CACNA1C: variants seen among roughly 807,000 people sequenced by gnomAD.
CACNA1C encodes the protein voltage-dependent L-type calcium channel subunit alpha-1C.
Under a neutral mutation model 229.0 loss-of-function variants are expected in CACNA1C, and 30 were observed. The observed-to-expected ratio is 0.13, with a 90% CI of 0.10 to 0.18. The LOEUF is 0.18. Among genes scored for constraint, CACNA1C ranks in the 10% least tolerant of loss-of-function variants. The probability of loss-of-function intolerance (pLI) is 1.00; values close to 1 mark genes in which losing one functional copy is unlikely to be tolerated. For synonymous variants in CACNA1C, 1,114 were observed against 1,132.5 expected, an observed-to-expected ratio of 0.98 and a Z score of 0.33; for missense variants, 1,658 against 2,845.0, an observed-to-expected ratio of 0.58 and a Z score of 9.49.
intron 8 of CACNA1C, among the ~76,000 whole-genome samples, chr12:2,507,345 A>C (rs1177403465): frequency 6.6e-6 from 1 of 151,978 alleles, no homozygotes; most frequent in African/African-American, 2.4e-5. Flanking sequence ...GCCTCTCCTC[A>C]TGTGTCAAGG....
At chr12:2,353,954 A>G (rs532428189) in intron 3 of CACNA1C, among the ~76,000 whole-genome samples, 1 of 152,268 alleles carries the variant, frequency 6.6e-6, no homozygotes, top group Admixed American at 6.5e-5. Flanking sequence ...TGGCAGGATG[A>G]GACGCTAGTC....
chr12:2,679,821 G>A lies in CACNA1C; in HGVS notation c.5444+25G>A, dbSNP rs919505506. The A allele has an allele frequency of 4.7e-6, 7 of 1,491,062 alleles. No homozygotes were observed. Among genetic ancestry groups the A allele is most frequent in the Non-Finnish European group, 6.4e-6 (7 of 1,098,864 alleles). 92.4% of individuals were successfully genotyped at this position (1,491,062 alleles called of 1,614,324 possible). A position where few individuals can be genotyped will look rare whatever the true frequency, so the allele number is the denominator to read the frequency against. The stretch of plus-strand genomic sequence containing the variant: ...GGTAAGTGGGAGGCTGGCCACCCCA[G>A]GCGGCACACAGGGCCCACGTGCTGC... On this transcript the variant is annotated intron_variant, in intron 42 of 46. Coordinates refer to ENST00000399655, the MANE Select transcript of CACNA1C (RefSeq NM_000719.7). This position sits in a 1 kb window ranked among gnomAD's most constrained non-coding sequence, Gnocchi z 5.5.
chr12:2,460,525 G>A (rs574386885), intron 5 of CACNA1C, among the ~76,000 whole-genome samples: 13 of 152,238 alleles, frequency 8.5e-5, no homozygotes, highest in African/African-American at 2.6e-4. Context: ...AGATTAGATC[G>A]GGTCACTTGG....
chr12:2,524,851 A>G (rs2099815970), intron 9 of CACNA1C, among the ~76,000 whole-genome samples: 1 of 152,150 alleles, frequency 6.6e-6, no homozygotes, highest in African/African-American at 2.4e-5. Flanking sequence ...GCAGCTAACT[A>G]AGTGCTCGGG....
rs1016198948 is a variant in CACNA1C at position 2,067,134 on chromosome 12, G to A, written c.49+13523G>A. ...GAGACAGCTGCTGACTAGGTCTGGG[G>A]GCAAAGGGTTCTAGCTCTGTAGGAG... is the stretch of plus-strand genomic sequence containing the variant. On this transcript the variant is annotated intron_variant, in intron 1 of 46. Coordinates refer to ENST00000399655, the MANE Select transcript of CACNA1C (RefSeq NM_000719.7). This position sits in a 1 kb window ranked among gnomAD's most constrained non-coding sequence, Gnocchi z 5.3. Among the ~76,000 whole-genome samples the A allele has an allele frequency of 6.6e-6, 1 of 152,134 alleles. No homozygotes were observed. Among genetic ancestry groups the A allele is most frequent in the East Asian group, 1.9e-4 (1 of 5,188 alleles).
At chr12:2,428,377 T>A (rs996048777) in intron 3 of CACNA1C, among the ~76,000 whole-genome samples, 2 of 152,208 alleles carry the variant, frequency 1.3e-5, no homozygotes, top group African/African-American at 4.8e-5. Context: ...CTACACTGCC[T>A]TCTCCAGGAA....
At chr12:2,680,372 C>CTT (rs1346980162) in intron 42 of CACNA1C, 1 of 1,553,018 alleles carries the variant, frequency 6.4e-7, no homozygotes, top group African/African-American at 1.4e-5. Context: ...GGATGCACTG[C>CTT]TGTGACATGC....
intron 3 of CACNA1C, among the ~76,000 whole-genome samples, chr12:2,325,952 C>G (rs2096270891): frequency 1.3e-5 from 2 of 152,218 alleles, no homozygotes; most frequent in African/African-American, 4.8e-5. Flanking sequence ...CCAAGGGGCC[C>G]TTCATTCCAC....
At position 2,652,425 on chromosome 12, in the gene CACNA1C, G is replaced by A. The variant is rs545108790; in HGVS notation, c.4074+657G>A. On this transcript the variant is annotated intron_variant, in intron 32 of 46. Coordinates refer to ENST00000399655, the MANE Select transcript of CACNA1C (RefSeq NM_000719.7). ...GTTTGAAGTTAAGGAGAAGCAAAGC[G>A]CTTGGGTCACTTGACTTCCCCCAGA... Among the ~76,000 whole-genome samples the A allele has an allele frequency of 1.3e-4, 20 of 152,252 alleles. No homozygotes were observed. In the South Asian group the frequency reaches 3.3e-3, roughly 25 times the overall value.
At chr12:2,245,390 C>G (rs1048554273) in intron 3 of CACNA1C, among the ~76,000 whole-genome samples, 9 of 152,164 alleles carry the variant, frequency 5.9e-5, no homozygotes, top group African/African-American at 2.2e-4. Flanking sequence ...AGGGGAGAAG[C>G]AAACACACAT....
chr12:2,602,531 G>T lies in CACNA1C; in HGVS notation c.2960+571G>T, dbSNP rs2073039055. Among the ~76,000 whole-genome samples the T allele has an allele frequency of 6.6e-6, 1 of 151,624 alleles. No homozygotes were observed. The highest frequency in any genetic ancestry group is 2.4e-5 in the African/African-American group (1 of 41,332). On this transcript the variant is annotated intron_variant, in intron 22 of 46. Coordinates refer to ENST00000399655, the MANE Select transcript of CACNA1C (RefSeq NM_000719.7). The surrounding 1 kb of genome is among the most constrained non-coding windows in gnomAD (Gnocchi z 4.4). ...TGTGTGTATGTATGTGTTTGTGTTT[G>T]TGTCTGCATATGTGTCTATGGACGT...
intron 3 of CACNA1C, among the ~76,000 whole-genome samples, chr12:2,441,677 C>T (rs967793282): frequency 9.9e-5 from 15 of 152,012 alleles, no homozygotes; most frequent in Non-Finnish European, 1.5e-4. Flanking sequence ...CCAAGAAAAA[C>T]GAAAAAAACA....
chr12:2,466,577 T>C (rs1016329625), intron 5 of CACNA1C, among the ~76,000 whole-genome samples: 5 of 152,240 alleles, frequency 3.3e-5, no homozygotes, highest in African/African-American at 1.2e-4. Context: ...TTCCACTGCC[T>C]GTGTCCTCAT....
chr12:2,249,675 T>A (rs2074795361), intron 3 of CACNA1C, among the ~76,000 whole-genome samples: 1 of 152,176 alleles, frequency 6.6e-6, no homozygotes, highest in Non-Finnish European at 1.5e-5. Context: ...TTCAGGGGAC[T>A]CACGTGACCT....
intron 3 of CACNA1C, among the ~76,000 whole-genome samples, chr12:2,347,416 T>G (rs1330512998): frequency 6.6e-6 from 1 of 150,502 alleles, no homozygotes; most frequent in Admixed American, 6.6e-5. Flanking sequence ...TTTAAACTTA[T>G]CCTTTCTGGA....
chr12:2,658,503 A>T (rs2095536442), intron 34 of CACNA1C, among the ~76,000 whole-genome samples: 1 of 152,218 alleles, frequency 6.6e-6, no homozygotes, highest in Non-Finnish European at 1.5e-5. Context: ...ATAGATAAGT[A>T]TGGCCCATAC....
chr12:2,336,372 T>C (rs1207555029), intron 3 of CACNA1C, among the ~76,000 whole-genome samples: 1 of 152,186 alleles, frequency 6.6e-6, no homozygotes, highest in Non-Finnish European at 1.5e-5. Context: ...TGTTACACAT[T>C]GGGCAGTAGG....
At position 2,646,789 on chromosome 12, in the gene CACNA1C, A is replaced by T. The variant is rs563643558; in HGVS notation, c.3913-1686A>T. 7.2e-3 allele frequency among the ~76,000 whole-genome samples: 945 copies of T among 131,934 alleles called. 8 individuals are homozygous for T. The highest frequency in any genetic ancestry group is 0.024 in the African/African-American group (774 of 31,992). 86.6% of individuals were successfully genotyped at this position (131,934 alleles called of 152,430 possible). Reference sequence around the variant, plus strand: ...GAGAAAGAGAGAGAGAGAGAGAGAGAGTGTGTGTGTGCGCGTGTGTGTGTC... The same window carrying T: ...GAGAAAGAGAGAGAGAGAGAGAGAGTGTGTGTGTGTGCGCGTGTGTGTGTC... On this transcript the variant is annotated intron_variant, in intron 30 of 46. Transcript: ENST00000399655. This position sits in a 1 kb window ranked among gnomAD's most constrained non-coding sequence, Gnocchi z 4.6.
chr12:2,558,872 C>G (rs2045982844), intron 11 of CACNA1C, among the ~76,000 whole-genome samples: 1 of 152,128 alleles, frequency 6.6e-6, no homozygotes. Context: ...AAGACCTCAT[C>G]TACATAAAAC....
Sources: allele counts gnomAD v4.1 joint callset (sites outside exome capture counted in the v4.1 genomes callset), GRCh38; gene constraint gnomAD v4.1.1; non-coding constraint Gnocchi (gnomAD v3.1); transcripts MANE v1.5; gene names NCBI Gene and HGNC (gene_info 2026-07-23, HGNC 2026-07-21).